Variants in SLC6A9 observed in about 807,000 individuals in gnomAD.
SLC6A9 encodes the protein sodium- and chloride-dependent glycine transporter 1.
A neutral mutation model predicts 70.9 loss-of-function variants in SLC6A9; 31 were observed. That is an observed-to-expected ratio of 0.44 (90% CI 0.33 to 0.59). SLC6A9 has a LOEUF of 0.59. Ranked by LOEUF, SLC6A9 falls within the 20% of genes least tolerant of loss-of-function variation. The pLI, the probability that SLC6A9 is intolerant of heterozygous loss-of-function variation, is 0.04. For missense variants in SLC6A9, 631 were observed against 845.2 expected (o/e 0.75, Z 3.14); for synonymous variants, 310 against 341.3 (o/e 0.91, Z 1.01).
At chr1:44,007,892 CTT>C (rs55829171) in intron 5 of SLC6A9, among the ~76,000 whole-genome samples, 4,080 of 128,896 alleles carry the variant, frequency 0.032, 174 homozygotes, top group African/African-American at 0.11. Context: ...TGCTTTCTTT[CTT>C]TTTTTTTTTT....
At chr1:43,998,990 G>GGT (rs1557665505) in intron 12 of SLC6A9, among the ~76,000 whole-genome samples, 1 of 150,758 alleles carries the variant, frequency 6.6e-6, no homozygotes, top group Non-Finnish European at 1.5e-5. Flanking sequence ...GAAGGGGGGG[G>GGT]GCAGTCCCAG....
At chr1:44,011,451 A>G in intron 2 of SLC6A9, 1 of 882,110 alleles carries the variant, frequency 1.1e-6, no homozygotes, top group East Asian at 2.5e-5. Context: ...GAAATGGGGG[A>G]GCAGCTGAGC....
At chr1:44,011,995 G>A (rs1427174559) in intron 2 of SLC6A9, among the ~76,000 whole-genome samples, 1 of 152,156 alleles carries the variant, frequency 6.6e-6, no homozygotes, top group African/African-American at 2.4e-5. Context: ...AGGAGACAGG[G>A]GCTCAGTGTC....
chr1:44,010,988 C>T lies in SLC6A9; in HGVS notation c.31-106G>A, dbSNP rs1332041327. ...AACCGTGGCCCCTCCAACACCCCTC[C>T]CCGGGCTTCCCCTCTGCTGGCAGGA... On this transcript the variant is annotated intron_variant, in intron 2 of 13. Coordinates refer to ENST00000372310, the MANE Select transcript of SLC6A9 (RefSeq NM_001024845.3). The T allele has an allele frequency of 9.5e-6, 11 of 1,154,078 alleles. No homozygotes were observed. In the African/African-American group the frequency reaches 1.5e-4, roughly 16 times the overall value. The allele number at this position is 1,154,078 out of a possible 1,614,324, so 71.5% of individuals were successfully genotyped here.
Position 44,000,964 on chromosome 1 carries a change from T to C in SLC6A9, c.1427A>G (p.Tyr476Cys), listed in dbSNP as rs753784841. The C allele has an allele frequency of 5.6e-6, 9 of 1,599,888 alleles. No homozygotes were observed. The highest frequency in any genetic ancestry group is 7.7e-6 in the Non-Finnish European group (9 of 1,171,810). The change falls in exon 11 of 14, where the codon TAC becomes TGC. Residue 476 changes from tyrosine (Y) to cysteine (C), a missense_variant. By Grantham distance (194) the Tyr-to-Cys change is radical. Transcript: ENST00000372310. ...ISCIMCVAIMYIYGHRNYFQD... is the reference protein window; with the variant it reads ...ISCIMCVAIMCIYGHRNYFQD... ...GAGGCTCGAGTGCTCACCGTAGATG[T>C]ACATGATGGCCACACACATGATGCA...
intron 5 of SLC6A9, among the ~76,000 whole-genome samples, chr1:44,006,155 A>G (rs2086301381): frequency 6.6e-6 from 1 of 152,204 alleles, no homozygotes; most frequent in Non-Finnish European, 1.5e-5. Flanking sequence ...TGACCAGTCC[A>G]CATCATGCCT....
In SLC6A9 at chr1:44,028,987, T is replaced by G. The variant is rs2087039899; in HGVS notation, c.-86+2319A>C. ...GGGAGGGATAAGAAGGAGTCTCTGG[T>G]TTCTGCTGGTGCAGTGGGAGGAAAC... On this transcript the variant is annotated intron_variant, in intron 1 of 13. Transcript: ENST00000372310. Among the ~76,000 whole-genome samples the G allele has an allele frequency of 3.3e-5, 5 of 152,218 alleles. No individual in the cohort carries two copies. The South Asian group carries it at 1.0e-3, about 32-fold the overall frequency.
chr1:44,003,143 C>G (rs751952143), intron 5 of SLC6A9, among the ~76,000 whole-genome samples, 158 bp from the exon 6 acceptor site: 1 of 152,224 alleles, frequency 6.6e-6, no homozygotes, highest in Non-Finnish European at 1.5e-5. Context: ...CAGCCCTGGC[C>G]GGCCCAGTCC....
chr1:44,017,604 C>T (rs1395701945), intron 2 of SLC6A9, among the ~76,000 whole-genome samples: 9 of 152,212 alleles, frequency 5.9e-5, no homozygotes, highest in African/African-American at 2.2e-4. Context: ...CAGGGCACCA[C>T]CAGAGCAGCT....
intron 3 of SLC6A9, chr1:44,010,359 G>T: frequency 2.2e-6 from 1 of 460,176 alleles, no homozygotes; most frequent in South Asian, 2.5e-5. Context: ...GTTTAAACAA[G>T]CGATTTCACA....
intron 2 of SLC6A9, among the ~76,000 whole-genome samples, chr1:44,023,954 C>T (rs922898039): frequency 9.9e-5 from 15 of 152,272 alleles, no homozygotes; most frequent in African/African-American, 1.4e-4. Flanking sequence ...CACAGCCCCG[C>T]GTCCACTGTC....
At position 44,010,021 on chromosome 1, in the gene SLC6A9, C is replaced by A; in HGVS notation, c.263G>T (p.Gly88Val). The A allele has an allele frequency of 6.2e-7, 1 of 1,614,070 alleles. No individual in the cohort carries two copies. Among genetic ancestry groups the A allele is most frequent in the Non-Finnish European group, 8.5e-7 (1 of 1,179,976 alleles). ...IPLFFMELSF[G>V]QFASQGCLGV... The stretch of plus-strand genomic sequence containing the variant: ...CAGGCACCCCTGGCTTGCAAACTGG[C>A]CGAAGGAGAGCTCCATGAAGAAGAG... Residue 88 changes from glycine (G) to valine (V), a missense_variant, in exon 4 of 14, where the codon GGC (glycine) becomes GTC (valine). Gly to Val is a moderately radical substitution (Grantham distance 109). Coordinates refer to ENST00000372310, the MANE Select transcript of SLC6A9 (RefSeq NM_001024845.3).
chr1:43,997,608 G>A lies in SLC6A9; in HGVS notation c.1839C>T (p.Asp613=), dbSNP rs1177225100. The A allele has an allele frequency of 6.2e-7, 1 of 1,613,900 alleles. No homozygotes were observed. Among genetic ancestry groups the A allele is most frequent in the Admixed American group, 1.7e-5 (1 of 60,000 alleles). Residue 613 remains aspartate (D), a synonymous_variant, in exon 14 of 14, where the codon GAC becomes GAT. Coordinates refer to ENST00000372310, the MANE Select transcript of SLC6A9 (RefSeq NM_001024845.3). The surrounding 1 kb of genome is among the most constrained non-coding windows in gnomAD (Gnocchi z 4.4). ...DGFEVQPLHP[D]KAQIPIVGSN... ...TGCCCACAATGGGGATCTGCGCCTT[G>A]TCCGGGTGCAGTGGCTGGACCTCGA...
intron 2 of SLC6A9, chr1:44,015,868 C>T (rs1375906859): frequency 1.0e-6 from 1 of 985,296 alleles, no homozygotes; most frequent in African/African-American, 1.7e-5. Flanking sequence ...GGAAAATCTC[C>T]CCCGGGCCGA....
intron 1 of SLC6A9, among the ~76,000 whole-genome samples, chr1:44,026,529 T>C (rs1453221340): frequency 6.6e-6 from 1 of 151,866 alleles, no homozygotes; most frequent in East Asian, 1.9e-4. Context: ...TATGGTGGTA[T>C]GCGCCTGTAG....
In SLC6A9 at chr1:44,031,445, T is replaced by G. The variant is rs2087120788; in HGVS notation, c.-225A>C. On this transcript the variant is annotated 5_prime_UTR_variant, in exon 1 of 14. Transcript: ENST00000372310. ...CCCGCCCCGCCGCGCCGCTCGCAGC[T>G]CTTCCACAGCCTGTTGTGTTTTGGT... 1 of 152,542 alleles carries G rather than the reference T, an allele frequency of 6.6e-6. No individual in the cohort carries two copies. Among genetic ancestry groups the G allele is most frequent in the African/African-American group, 2.4e-5 (1 of 41,452 alleles). 9.4% of individuals were successfully genotyped at this position (152,542 alleles called of 1,614,324 possible).
rs2086587437 is a variant in SLC6A9, at chr1:44,011,945, GA to G, written c.31-1064del. On this transcript the variant is annotated intron_variant, in intron 2 of 13. Transcript: ENST00000372310. ...TCCACCTCCCTCCCACAGTGAGCAG[GA>G]AATTAATCAGAGCCCAAGGGCCCCA... Among the ~76,000 whole-genome samples, 4 of 152,304 alleles carry G rather than the reference GA, an allele frequency of 2.6e-5. No homozygotes were observed. In the South Asian group the frequency reaches 8.3e-4, roughly 32 times the overall value.
rs2086822254 is a variant in SLC6A9 at position 44,018,626 on chromosome 1, AT to A, written c.30+5621del. Among the ~76,000 whole-genome samples, 1 of 148,620 alleles carries A rather than the reference AT, an allele frequency of 6.7e-6. No individual in the cohort carries two copies. The highest frequency in any genetic ancestry group is 2.1e-4 in the South Asian group (1 of 4,784). On this transcript the variant is annotated intron_variant, in intron 2 of 13. Transcript: ENST00000372310. This position sits in a 1 kb window ranked among gnomAD's most constrained non-coding sequence, Gnocchi z 4.2. ...AATAATAATAATAATAATAATAATAATAATAATAATAAATAAAAATAAAAAG... is the reference window on the plus strand; with the variant it reads ...AATAATAATAATAATAATAATAATAAAATAATAATAAATAAAAATAAAAAG...
At chr1:44,001,773 G>C in intron 8 of SLC6A9, 146 bp from the exon 9 acceptor site, 1 of 679,514 alleles carries the variant, frequency 1.5e-6, no homozygotes, top group South Asian at 1.8e-5. Flanking sequence ...TGTTGTCCAG[G>C]ATGGAGTGCA....
Sources: gnomAD v4.1 joint callset for allele counts (sites outside exome capture counted in the v4.1 genomes callset) on GRCh38, gnomAD v4.1.1 for gene constraint, Gnocchi (gnomAD v3.1) non-coding constraint, MANE v1.5 for transcripts, NCBI Gene and HGNC (gene_info 2026-07-23, HGNC 2026-07-21) for gene names.